CCT3: variants seen among roughly 807,000 people sequenced by gnomAD.
CCT3 encodes the protein chaperonin containing TCP1 subunit 3.
In CCT3, 10 loss-of-function variants were observed where a neutral mutation model predicts 65.3. The observed-to-expected ratio is 0.15, with a 90% CI of 0.09 to 0.26. The LOEUF (loss-of-function observed/expected upper bound fraction) is 0.26, where lower values mean the gene tolerates loss of function less well. CCT3 is among the 10% of genes least tolerant of loss of function. The pLI is 1.00. For missense variants in CCT3, 626 were observed against 708.7 expected, an observed-to-expected ratio of 0.88 and a Z score of 1.33; for synonymous variants, 225 against 242.3, an observed-to-expected ratio of 0.93 and a Z score of 0.66.
At chr1:156,328,425 G>GAGAATGGGGAAAA (rs1470489707) in intron 5 of CCT3, among the ~76,000 whole-genome samples, 29 of 152,138 alleles carry the variant, frequency 1.9e-4, no homozygotes, top group Non-Finnish European at 4.4e-5. Context: ...GGCGGGAAAG[G>GAGAATGGGGAAAA]TGGGGAAAAG....
At chr1:156,312,733 T>G (rs533420126) in intron 10 of CCT3, among the ~76,000 whole-genome samples, 6 of 152,164 alleles carry the variant, frequency 3.9e-5, no homozygotes, top group African/African-American at 1.4e-4. Context: ...ACAGCAGCAC[T>G]GCAGCTATGC....
intron 5 of CCT3, among the ~76,000 whole-genome samples, chr1:156,326,145 G>A (rs1664794763): frequency 6.6e-6 from 1 of 151,780 alleles, no homozygotes. Context: ...ACCAGCCTGA[G>A]AAACATAGCA....
intron 5 of CCT3, among the ~76,000 whole-genome samples, chr1:156,328,852 AT>A (rs1156433790): frequency 7.3e-6 from 1 of 136,548 alleles, no homozygotes; most frequent in African/African-American, 2.7e-5. Flanking sequence ...AGAATGATCA[AT>A]AAAAATAAAA....
intron 10 of CCT3, among the ~76,000 whole-genome samples, chr1:156,316,539 G>T (rs1008988617): frequency 6.6e-5 from 10 of 152,228 alleles, no homozygotes; most frequent in Non-Finnish European, 1.5e-4. Context: ...TGTTGGGGTA[G>T]ATTTGTCAGC....
intron 5 of CCT3, among the ~76,000 whole-genome samples, chr1:156,331,002 G>C (rs909464366): frequency 6.6e-6 from 1 of 151,772 alleles, no homozygotes; most frequent in Non-Finnish European, 1.5e-5. Flanking sequence ...GGGAGGCTGA[G>C]GCAGGTGGAT....
intron 10 of CCT3, 124 bp downstream of exon 10, chr1:156,317,042 C>T: frequency 1.2e-6 from 1 of 835,616 alleles, no homozygotes; most frequent in Non-Finnish European, 2.0e-6. Context: ...GGCAGCTAAG[C>T]CAAGGTTATT....
At chr1:156,327,881 G>A (rs1452057682) in intron 5 of CCT3, among the ~76,000 whole-genome samples, 6 of 146,170 alleles carry the variant, frequency 4.1e-5, no homozygotes, top group Non-Finnish European at 9.0e-5. Context: ...TGGGATGTGG[G>A]GAGCACCTCT....
chr1:156,324,310 AC>A (rs1570926501), intron 6 of CCT3, among the ~76,000 whole-genome samples: 2 of 151,412 alleles, frequency 1.3e-5, no homozygotes, highest in East Asian at 3.9e-4. Flanking sequence ...CTCGTGATCC[AC>A]CCACCTGGGC....
intron 9 of CCT3, 50 bp downstream of exon 9, chr1:156,317,365 C>A: frequency 6.9e-6 from 11 of 1,599,938 alleles, no homozygotes; most frequent in Non-Finnish European, 8.6e-6. Flanking sequence ...AACAAATCAC[C>A]CACCCTCGTC....
chr1:156,326,170 C>T (rs192506496), intron 5 of CCT3, among the ~76,000 whole-genome samples: 6 of 151,762 alleles, frequency 4.0e-5, no homozygotes, highest in Admixed American at 1.3e-4. Flanking sequence ...CCTGTCTCTA[C>T]GAAAAAATTC....
At chr1:156,338,090 A>C in intron 1 of CCT3, 64 bp downstream of exon 1, 1 of 1,542,420 alleles carries the variant, frequency 6.5e-7, no homozygotes, top group Non-Finnish European at 8.8e-7. Context: ...CTGGGGCAAC[A>C]CTGAAAAGTA....
intron 13 of CCT3, among the ~76,000 whole-genome samples, chr1:156,310,014 G>A (rs1204282494): frequency 1.5e-5 from 2 of 131,242 alleles, no homozygotes; most frequent in African/African-American, 5.8e-5. Context: ...CTCCAGCCTG[G>A]GCAACGGAGC....
intron 1 of CCT3, chr1:156,337,074 C>T: frequency 7.8e-7 from 1 of 1,285,330 alleles, no homozygotes; most frequent in Non-Finnish European, 1.0e-6. Context: ...AGAATGGAAA[C>T]ATACCAAAGG....
Position 156,310,577 on chromosome 1 carries a change from G to A in CCT3, c.1514C>T (p.Thr505Ile). Reference sequence around the variant, plus strand: ...CCTTACCTCCACTGCTGTCTTATAAGTCTGCAGCTTCACAGCCAATGGCTC... The same window carrying A: ...CCTTACCTCCACTGCTGTCTTATAAATCTGCAGCTTCACAGCCAATGGCTC... ...IWEPLAVKLQ[T>I]YKTAVETAVL... Residue 505 changes from threonine (T) to isoleucine (I), a missense_variant, in exon 13 of 14, where the codon ACT becomes ATT. Coordinates refer to ENST00000295688, the MANE Select transcript of CCT3 (RefSeq NM_005998.5). 1 of 1,613,688 alleles carries A rather than the reference G, an allele frequency of 6.2e-7. No individual in the cohort carries two copies. Among genetic ancestry groups the A allele is most frequent in the African/African-American group, 1.3e-5 (1 of 75,050 alleles).
Position 156,318,961 on chromosome 1 carries a change from C to T in CCT3, c.666G>A (p.Lys222=), listed in dbSNP as rs143799531. The T allele has an allele frequency of 1.4e-5, 22 of 1,613,956 alleles. No homozygotes were observed. In the African/African-American group the frequency reaches 2.7e-4, roughly 20 times the overall value. Residue 222 remains lysine, a synonymous_variant, in exon 8 of 14, where the codon AAG becomes AAA. Transcript: ENST00000295688. The stretch of plus-strand genomic sequence containing the variant: ...GCCGCATACGTGGATGGGTCACATC[C>T]TTGTTAATCATGACTCCACGCAAGA... ...SCVLRGVMIN[K]DVTHPRMRRY...
At chr1:156,322,483 G>A (rs1372604002) in intron 6 of CCT3, among the ~76,000 whole-genome samples, 7 of 151,816 alleles carry the variant, frequency 4.6e-5, no homozygotes, top group African/African-American at 1.2e-4. Flanking sequence ...AAAACAGAGC[G>A]AGACCCCCCG....
At position 156,338,234 on chromosome 1, in the gene CCT3, C is replaced by G. The variant is rs1665544744; in HGVS notation, c.-50G>C. ...CCCAGAGCTGGGGGAACCGGCAGAA[C>G]CTTCTGGAGAGAGAGAACCAGACAG... On this transcript the variant is annotated 5_prime_UTR_variant, in exon 1 of 14. Coordinates refer to ENST00000295688, the MANE Select transcript of CCT3 (RefSeq NM_005998.5). 5.1e-6 allele frequency: 8 copies of G among 1,553,858 alleles called. No homozygotes were observed. Among genetic ancestry groups the G allele is most frequent in the Non-Finnish European group, 6.1e-6 (7 of 1,146,942 alleles).
chr1:156,334,170 C>T (rs12563629), intron 4 of CCT3, among the ~76,000 whole-genome samples: 34,251 of 148,682 alleles, frequency 0.23, 4,648 homozygotes, highest in Non-Finnish European at 0.29. Flanking sequence ...ACCCATGAGG[C>T]GGAGGCTGCA....
intron 7 of CCT3, among the ~76,000 whole-genome samples, chr1:156,319,867 GCTTA>G (rs937646709): frequency 4.6e-5 from 7 of 152,112 alleles, no homozygotes; most frequent in African/African-American, 7.2e-5. Flanking sequence ...GCTTTCTGGG[GCTTA>G]CTATTTTAAT....
Sources: allele counts gnomAD v4.1 joint callset (sites outside exome capture counted in the v4.1 genomes callset), GRCh38; gene constraint gnomAD v4.1.1; transcripts MANE v1.5; gene names NCBI Gene and HGNC (gene_info 2026-07-23, HGNC 2026-07-21).